WDR26: variants seen among roughly 807,000 people sequenced by gnomAD.
WDR26 encodes the protein WD repeat-containing protein 26.
A neutral mutation model predicts 84.1 loss-of-function variants in WDR26; 5 were observed. The ratio of observed to expected loss-of-function variants is 0.06; its 90% CI spans 0.03 to 0.13. WDR26 has a LOEUF of 0.13. Ranked by LOEUF, WDR26 falls within the 10% of genes least tolerant of loss-of-function variation. The pLI is 1.00. For missense variants in WDR26, 642 were observed against 974.9 expected, an observed-to-expected ratio of 0.66 and a Z score of 4.55; for synonymous variants, 415 against 389.6, an observed-to-expected ratio of 1.07 and a Z score of -0.77.
At chr1:224,417,475 C>G (rs1673938299) in intron 6 of WDR26, among the ~76,000 whole-genome samples, 1 of 152,198 alleles carries the variant, frequency 6.6e-6, no homozygotes, top group Admixed American at 6.5e-5. Flanking sequence ...GAGGCCAAGG[C>G]AGAAGTATCG....
Position 224,410,694 on chromosome 1 carries a change from C to CT in WDR26, c.1458+732dup, listed in dbSNP as rs397983007. On this transcript the variant is annotated intron_variant, in intron 7 of 13. Transcript: ENST00000414423. ...ATGGACATTGTATTAATCTTTCTTTCTTTTTTTTTTTTTTTTTTTTGAGAC... is the reference window on the plus strand; with the variant it reads ...ATGGACATTGTATTAATCTTTCTTTCTTTTTTTTTTTTTTTTTTTTTGAGAC... 8.8e-3 allele frequency among the ~76,000 whole-genome samples: 1,051 copies of CT among 118,924 alleles called. 22 individuals carry two copies. Among genetic ancestry groups the CT allele is most frequent in the East Asian group, 0.039 (170 of 4,330 alleles). The allele number at this position is 118,924 out of a possible 152,430, so 78.0% of individuals were successfully genotyped here. A position where few individuals can be genotyped will look rare whatever the true frequency, so the allele number is the denominator to read the frequency against.
chr1:224,431,812 T>C, intron 1 of WDR26, 31 bp from the exon 2 acceptor site: 1 of 1,538,766 alleles, frequency 6.5e-7, no homozygotes, highest in Non-Finnish European at 8.8e-7. Flanking sequence ...AAAACAGACC[T>C]GACCAATTTT....
chr1:224,393,766 C>A (rs1673186593), intron 13 of WDR26, 62 bp downstream of exon 13: 3 of 1,357,990 alleles, frequency 2.2e-6, no homozygotes, highest in Non-Finnish European at 3.0e-6. Context: ...GCTTTAAGTT[C>A]ATAATAAGCC....
rs1012231604 is a variant in WDR26, at chr1:224,423,374, T to C, written c.1064+1144A>G. The stretch of plus-strand genomic sequence containing the variant: ...TGCCAGCCCTGTGAGTTTTCATTAA[T>C]GCCCTTTATTCGGTCAAGGAAGTTC... On this transcript the variant is annotated intron_variant, in intron 4 of 13. Transcript: ENST00000414423. 3.9e-5 allele frequency among the ~76,000 whole-genome samples: 6 copies of C among 152,360 alleles called. No homozygotes were observed. In the East Asian group the frequency reaches 1.2e-3, roughly 29 times the overall value.
intron 12 of WDR26, chr1:224,397,786 T>C: frequency 4.2e-6 from 1 of 236,228 alleles, no homozygotes; most frequent in Non-Finnish European, 8.1e-6. Flanking sequence ...TTTAACTAAA[T>C]CTTGATTAGA....
intron 6 of WDR26, among the ~76,000 whole-genome samples, chr1:224,415,682 T>G (rs1410737102): frequency 1.3e-5 from 2 of 152,024 alleles, no homozygotes; most frequent in Non-Finnish European, 2.9e-5. Context: ...AGGATGGTCT[T>G]GATCTCCCGA....
At position 224,431,343 on chromosome 1, in the gene WDR26, C is replaced by T. The variant is rs1674388093; in HGVS notation, c.927+134G>A. ...AACTCATACTTTAAAACATTATACTCATCCTAGTTTACAAATTATATGAAA... is the reference window on the plus strand; with the variant it reads ...AACTCATACTTTAAAACATTATACTTATCCTAGTTTACAAATTATATGAAA... On this transcript the variant is annotated intron_variant, in intron 3 of 13. Coordinates refer to ENST00000414423, the MANE Select transcript of WDR26 (RefSeq NM_001379403.1). The T allele has an allele frequency of 5.7e-6, 4 of 697,816 alleles. No individual in the cohort carries two copies. In the Admixed American group the frequency reaches 1.1e-4, roughly 20 times the overall value. The allele number at this position is 697,816 out of a possible 1,614,324, so 43.2% of individuals were successfully genotyped here.
intron 13 of WDR26, among the ~76,000 whole-genome samples, chr1:224,391,414 A>G (rs954718077): frequency 1.4e-4 from 21 of 151,374 alleles, no homozygotes; most frequent in African/African-American, 5.1e-4. Flanking sequence ...TACTGTTAAA[A>G]TTTTATTTTA....
chr1:224,433,700 T>C lies in WDR26; in HGVS notation c.706A>G (p.Asn236Asp), dbSNP rs1674486447. ...GATACTTACTTGAGCCCTAAGCCAT[T>C]CAAGTGCTGTCCTATTAGCCTAATG... The change falls in exon 1 of 14, where the codon AAT becomes GAT. Residue 236 changes from asparagine (N) to aspartate (D), a missense_variant. Physicochemically the swap from Asn to Asp is conservative, Grantham distance 23. Transcript: ENST00000414423. The C allele has an allele frequency of 6.8e-7, 1 of 1,474,164 alleles. No homozygotes were observed. The highest frequency in any genetic ancestry group is 9.0e-7 in the Non-Finnish European group (1 of 1,107,286). 91.3% of individuals were successfully genotyped at this position (1,474,164 alleles called of 1,614,324 possible). A position where few individuals can be genotyped will look rare whatever the true frequency, so the allele number is the denominator to read the frequency against.
intron 6 of WDR26, among the ~76,000 whole-genome samples, chr1:224,414,185 A>C (rs1673825506): frequency 6.7e-6 from 1 of 148,738 alleles, no homozygotes; most frequent in Non-Finnish European, 1.5e-5. Context: ...GGCTCACTGC[A>C]ATCTCTACCT....
At chr1:224,413,275 G>T in intron 6 of WDR26, 1 of 1,218,056 alleles carries the variant, frequency 8.2e-7, no homozygotes, top group Non-Finnish European at 1.1e-6. Context: ...CTTGAAACAC[G>T]GTCTTCCTTG....
Position 224,433,673 on chromosome 1 carries a change from G to A in WDR26, c.722+11C>T, listed in dbSNP as rs1355452085. ...TCTGTCCATCACCAGCTGGCGGTAA[G>A]GGATACTTACTTGAGCCCTAAGCCA... On this transcript the variant is annotated intron_variant, in intron 1 of 13. Transcript: ENST00000414423. 2.2e-6 allele frequency: 3 copies of A among 1,339,794 alleles called. No homozygotes were observed. The highest frequency in any genetic ancestry group is 3.0e-5 in the African/African-American group (2 of 66,242). 83.0% of individuals were successfully genotyped at this position (1,339,794 alleles called of 1,614,324 possible).
Position 224,411,417 on chromosome 1 carries a change from G to T in WDR26, c.1458+10C>A. 1 of 1,597,210 alleles carries T rather than the reference G, an allele frequency of 6.3e-7. No homozygotes were observed. Among genetic ancestry groups the T allele is most frequent in the Non-Finnish European group, 8.5e-7 (1 of 1,173,960 alleles). On this transcript the variant is annotated intron_variant, in intron 7 of 13. Coordinates refer to ENST00000414423, the MANE Select transcript of WDR26 (RefSeq NM_001379403.1). Reference sequence around the variant, plus strand: ...TTTTGTAATATAAACACTCATATTGGGGTACATACCGGATCAACTTGCCAT... The same window carrying T: ...TTTTGTAATATAAACACTCATATTGTGGTACATACCGGATCAACTTGCCAT...
chr1:224,432,394 T>C (rs1213780044), intron 1 of WDR26, among the ~76,000 whole-genome samples: 1 of 152,240 alleles, frequency 6.6e-6, no homozygotes, highest in East Asian at 1.9e-4. Flanking sequence ...TCTGTTAGCA[T>C]TTACAAAATC....
At chr1:224,408,082 A>T (rs11801436) in intron 7 of WDR26, among the ~76,000 whole-genome samples, 4 of 152,038 alleles carry the variant, frequency 2.6e-5, no homozygotes, top group South Asian at 2.1e-4. Flanking sequence ...AAACACTGGC[A>T]TAAGAGTCTA....
intron 13 of WDR26, among the ~76,000 whole-genome samples, chr1:224,390,527 G>A (rs1458998411): frequency 2.0e-5 from 3 of 152,216 alleles, no homozygotes; most frequent in African/African-American, 7.2e-5. Flanking sequence ...GCAGTCTAAG[G>A]TAGAATAACG....
At chr1:224,405,364 A>T (rs1341936083) in intron 7 of WDR26, among the ~76,000 whole-genome samples, 1 of 152,210 alleles carries the variant, frequency 6.6e-6, no homozygotes, top group Non-Finnish European at 1.5e-5. Flanking sequence ...TTTGGCTATT[A>T]TGAATAATGC....
intron 6 of WDR26, among the ~76,000 whole-genome samples, chr1:224,413,547 G>A (rs2102907370): frequency 6.6e-6 from 1 of 152,210 alleles, no homozygotes; most frequent in South Asian, 2.1e-4. Flanking sequence ...GCCAAATGCT[G>A]CTTTAGACAC....
intron 4 of WDR26, among the ~76,000 whole-genome samples, chr1:224,420,927 C>A (rs541973282): frequency 1.3e-5 from 2 of 152,118 alleles, no homozygotes; most frequent in South Asian, 4.2e-4. Flanking sequence ...TATTTTGTTT[C>A]TAAAACAACT....
Sources: allele counts gnomAD v4.1 joint callset (sites outside exome capture counted in the v4.1 genomes callset), GRCh38; gene constraint gnomAD v4.1.1; transcripts MANE v1.5; gene names NCBI Gene and HGNC (gene_info 2026-07-23, HGNC 2026-07-21).